Variants in NAALAD2 observed in about 807,000 individuals in gnomAD.
NAALAD2 encodes the protein N-acetylated alpha-linked acidic dipeptidase 2, also known as N-acetylated-alpha-linked acidic dipeptidase 2.
A neutral mutation model predicts 95.6 loss-of-function variants in NAALAD2; 89 were observed. The observed-to-expected ratio is 0.93, with a 90% CI of 0.78 to 1.11. NAALAD2 has a LOEUF of 1.11. Ranked by LOEUF, NAALAD2 falls within the 50% of genes least tolerant of loss-of-function variation. The probability of loss-of-function intolerance (pLI) is 0.00; values close to 1 mark genes in which losing one functional copy is unlikely to be tolerated. For synonymous variants in NAALAD2, 264 were observed against 294.4 expected (o/e 0.90, Z 1.06); for missense variants, 894 against 872.4 (o/e 1.02, Z -0.31).
chr11:90,154,737 G>C (rs1029275890), intron 6 of NAALAD2, among the ~76,000 whole-genome samples: 3 of 150,084 alleles, frequency 2.0e-5, no homozygotes, highest in Admixed American at 6.7e-5. Context: ...AATTCTCCAG[G>C]GATCTATCTG....
At chr11:90,142,145 G>T (rs555204211) in intron 2 of NAALAD2, among the ~76,000 whole-genome samples, 1 of 152,180 alleles carries the variant, frequency 6.6e-6, no homozygotes, top group African/African-American at 2.4e-5. Flanking sequence ...CGCTTTTTCT[G>T]TATCAATTAA....
At chr11:90,181,188 G>T (rs558941402) in intron 16 of NAALAD2, among the ~76,000 whole-genome samples, 1 of 152,064 alleles carries the variant, frequency 6.6e-6, no homozygotes, top group Non-Finnish European at 1.5e-5. Flanking sequence ...GTCACAGGTT[G>T]CCTGTTGAAC....
intron 18 of NAALAD2, among the ~76,000 whole-genome samples, chr11:90,185,819 A>C: frequency 6.6e-6 from 1 of 150,594 alleles, no homozygotes; most frequent in East Asian, 1.9e-4. Flanking sequence ...TAATATCTCT[A>C]TAATCAGGAC....
chr11:90,191,374 A>G (rs1857320575), intron 18 of NAALAD2, among the ~76,000 whole-genome samples, 184 bp from the exon 19 acceptor site: 1 of 152,118 alleles, frequency 6.6e-6, no homozygotes, highest in South Asian at 2.1e-4. Context: ...GTCTTAGCGA[A>G]TGCATATTGT....
chr11:90,166,660 C>G (rs1393721204), intron 11 of NAALAD2, among the ~76,000 whole-genome samples: 1 of 151,806 alleles, frequency 6.6e-6, no homozygotes, highest in Non-Finnish European at 1.5e-5. Flanking sequence ...ATGGTGAAAC[C>G]CCACCTCTAC....
intron 5 of NAALAD2, among the ~76,000 whole-genome samples, chr11:90,151,429 C>T (rs915875697): frequency 6.6e-6 from 1 of 152,118 alleles, no homozygotes; most frequent in African/African-American, 2.4e-5. Flanking sequence ...TTTGTCTCAT[C>T]TTGAATTTGT....
rs1322915747 is a variant in NAALAD2 at position 90,148,534 on chromosome 11, T to C, written c.382-472T>C. ...CAGGATGAAATAACCACCAAACATT[T>C]AAATATATGAATCTGAAAAGGTAAG... On this transcript the variant is annotated intron_variant, in intron 3 of 18. Transcript: ENST00000534061. 5.9e-5 allele frequency among the ~76,000 whole-genome samples: 9 copies of C among 152,162 alleles called. No individual in the cohort carries two copies. In the East Asian group the frequency reaches 1.7e-3, roughly 29 times the overall value.
intron 6 of NAALAD2, among the ~76,000 whole-genome samples, chr11:90,154,838 G>GTATCTACGTATACATAATATGTATATAT (rs1565521228): frequency 0.022 from 2,749 of 122,706 alleles, 177 homozygotes; most frequent in African/African-American, 0.078. Flanking sequence ...ATGTTACATA[G>GTATCTACGTATACATAATATGTATATAT]TATATACGTA....
rs1318897729 is a variant in NAALAD2 at position 90,155,601 on chromosome 11, T to C, written c.797-2544T>C. 2.7e-5 allele frequency among the ~76,000 whole-genome samples: 3 copies of C among 112,730 alleles called. No individual in the cohort carries two copies. The Admixed American group carries it at 3.3e-4, about 13-fold the overall frequency. The allele number at this position is 112,730 out of a possible 152,430, so 74.0% of individuals were successfully genotyped here. On this transcript the variant is annotated intron_variant, in intron 6 of 18. Transcript: ENST00000534061. ...TATATATGTAATATATATGTAATAA[T>C]ATATATTACATATAAATTACATATA... is the stretch of plus-strand genomic sequence containing the variant.
At chr11:90,133,630 T>C (rs992345395), upstream of NAALAD2, among the ~76,000 whole-genome samples, 2 of 152,116 alleles carry the variant, frequency 1.3e-5, no homozygotes, top group African/African-American at 2.4e-5. Context: ...TGAGAATGTG[T>C]GTATAATTTT....
chr11:90,135,236 A>C, intron 1 of NAALAD2: 1 of 295,430 alleles, frequency 3.4e-6, no homozygotes, highest in Non-Finnish European at 6.2e-6. Flanking sequence ...ATACGTAAAT[A>C]AATATTTGTG....
At chr11:90,156,373 T>G (rs2134893823) in intron 6 of NAALAD2, among the ~76,000 whole-genome samples, 1 of 152,240 alleles carries the variant, frequency 6.6e-6, no homozygotes, top group East Asian at 1.9e-4. Flanking sequence ...CAGTTTCTAT[T>G]TCTTAGATGT....
intron 18 of NAALAD2, among the ~76,000 whole-genome samples, chr11:90,191,335 C>T (rs1057309129): frequency 1.3e-5 from 2 of 149,954 alleles, no homozygotes; most frequent in Non-Finnish European, 1.5e-5. Flanking sequence ...GCTTTGGGTT[C>T]GCAACATGGT....
chr11:90,144,437 A>G (rs2134843866), intron 2 of NAALAD2, among the ~76,000 whole-genome samples: 1 of 152,134 alleles, frequency 6.6e-6, no homozygotes, highest in South Asian at 2.1e-4. Flanking sequence ...CCTCAGAGGA[A>G]ACCAGTTAAG....
rs751076338 is a variant in NAALAD2, at chr11:90,191,861, G to C, written c.*114G>C. 2.1e-5 allele frequency: 16 copies of C among 775,036 alleles called. No homozygotes were observed. Among genetic ancestry groups the C allele is most frequent in the Non-Finnish European group, 2.7e-5 (15 of 545,824 alleles). The allele number at this position is 775,036 out of a possible 1,614,324, so 48.0% of individuals were successfully genotyped here. A position where few individuals can be genotyped will look rare whatever the true frequency, so the allele number is the denominator to read the frequency against. On this transcript the variant is annotated 3_prime_UTR_variant, in exon 19 of 19. Coordinates refer to ENST00000534061, the MANE Select transcript of NAALAD2 (RefSeq NM_005467.4). Reference sequence around the variant, plus strand: ...CTAAACTCTTTTCATGTCATGTTTTGATTATAGGCTTTGGTCTTTTCATCT... The same window carrying C: ...CTAAACTCTTTTCATGTCATGTTTTCATTATAGGCTTTGGTCTTTTCATCT...
At chr11:90,189,961 C>G (rs545381722) in intron 18 of NAALAD2, among the ~76,000 whole-genome samples, 5 of 152,184 alleles carry the variant, frequency 3.3e-5, no homozygotes, top group East Asian at 3.9e-4. Flanking sequence ...ATACTTGAAA[C>G]CTTGAGAACT....
At chr11:90,148,451 A>G (rs1951804145) in intron 3 of NAALAD2, among the ~76,000 whole-genome samples, 2 of 152,154 alleles carry the variant, frequency 1.3e-5, no homozygotes, top group African/African-American at 4.8e-5. Context: ...GCAGATCAAA[A>G]GCAGGCCCAG....
At position 90,147,505 on chromosome 11, in the gene NAALAD2, C is replaced by G; in HGVS notation, c.370C>G (p.His124Asp). 1 of 1,604,420 alleles carries G rather than the reference C, an allele frequency of 6.2e-7. No homozygotes were observed. Among genetic ancestry groups the G allele is most frequent in the Non-Finnish European group, 8.5e-7 (1 of 1,175,430 alleles). The change falls in exon 3 of 19, where the codon CAT becomes GAT. Residue 124 changes from histidine (H) to aspartate (D), a missense_variant. Transcript: ENST00000534061. ...NANYISIVDE[H>D]ETEIFKTSYL... ...CAACTATATATCGATTGTGGATGAA[C>G]ATGAAACTGAGGTATGTGAAATTGT...
At chr11:90,143,083 AATGTT>A (rs1183265210) in intron 2 of NAALAD2, among the ~76,000 whole-genome samples, 2 of 152,116 alleles carry the variant, frequency 1.3e-5, no homozygotes, top group African/African-American at 4.8e-5. Context: ...ATGTTATATT[AATGTT>A]ATATTTTTTC....
Sources: allele counts gnomAD v4.1 joint callset (sites outside exome capture counted in the v4.1 genomes callset), GRCh38; gene constraint gnomAD v4.1.1; transcripts MANE v1.5; gene names NCBI Gene and HGNC (gene_info 2026-07-23, HGNC 2026-07-21).